Variants in SENP6 observed in about 807,000 individuals in gnomAD.
SENP6 encodes the protein SUMO specific peptidase 6.
SENP6 carries 41 observed loss-of-function variants against 134.5 expected under a neutral mutation model. The observed-to-expected ratio is 0.30, with a 90% CI of 0.24 to 0.40. SENP6 has a LOEUF of 0.40. Among genes scored for constraint, SENP6 ranks in the 10% least tolerant of loss-of-function variants. The probability of loss-of-function intolerance (pLI) is 1.00; values close to 1 mark genes in which losing one functional copy is unlikely to be tolerated. For missense variants in SENP6, 1,248 were observed against 1,312.5 expected (o/e 0.95, Z 0.76); for synonymous variants, 395 against 429.8 (o/e 0.92, Z 1.00).
chr6:75,705,619 A>T (rs1287650012), intron 19 of SENP6, among the ~76,000 whole-genome samples: 1 of 152,070 alleles, frequency 6.6e-6, no homozygotes. Context: ...TATCAAGTCA[A>T]TTGTATAATT....
intron 16 of SENP6, among the ~76,000 whole-genome samples, chr6:75,691,038 T>G (rs1340703640): frequency 6.7e-6 from 1 of 150,138 alleles, no homozygotes; most frequent in African/African-American, 2.5e-5. Flanking sequence ...AGAGGCAGGA[T>G]CTCCCTGTGT....
intron 1 of SENP6, among the ~76,000 whole-genome samples, chr6:75,619,722 T>A (rs1336268843): frequency 6.6e-6 from 1 of 152,154 alleles, no homozygotes; most frequent in African/African-American, 2.4e-5. Flanking sequence ...CTGTTTTGCG[T>A]TCCCACTAGC....
At chr6:75,626,561 C>T (rs183013189) in intron 3 of SENP6, among the ~76,000 whole-genome samples, 1 of 151,902 alleles carries the variant, frequency 6.6e-6, no homozygotes, top group African/African-American at 2.4e-5. Context: ...ATTTTTTTCC[C>T]CCAGTCTTTT....
At chr6:75,678,723 C>A in intron 15 of SENP6, 31 bp downstream of exon 15, 1 of 1,387,358 alleles carries the variant, frequency 7.2e-7, no homozygotes, top group Non-Finnish European at 1.0e-6. Flanking sequence ...TTGCAATGAT[C>A]TTAAATGTCT....
chr6:75,678,436 G>T (rs1403090456), intron 14 of SENP6, 147 bp from the exon 15 acceptor site: 6 of 556,434 alleles, frequency 1.1e-5, no homozygotes, highest in Non-Finnish European at 1.3e-5. Context: ...CCTGTTTCTT[G>T]TTTTTAATTG....
intron 7 of SENP6, among the ~76,000 whole-genome samples, chr6:75,657,780 T>G (rs1771460452): frequency 1.3e-5 from 2 of 151,916 alleles, no homozygotes; most frequent in Non-Finnish European, 1.5e-5. Context: ...GTGCCTAGAG[T>G]GGGGCAGAGG....
intron 1 of SENP6, among the ~76,000 whole-genome samples, chr6:75,618,179 AT>A (rs1198985015): frequency 6.6e-6 from 1 of 152,094 alleles, no homozygotes. Context: ...AGGAAAATTC[AT>A]TTTTATCTTT....
intron 1 of SENP6, among the ~76,000 whole-genome samples, chr6:75,604,407 G>C (rs1211027451): frequency 6.6e-6 from 1 of 152,146 alleles, no homozygotes. Flanking sequence ...CGAGGCAGGC[G>C]GATCACTTGA....
Position 75,606,272 on chromosome 6 carries a change from A to G in SENP6, c.52+3696A>G, listed in dbSNP as rs566259079. ...CTTTATTTATACAAAAGCACACTAA[A>G]ATTGTATGGATTTCATTAAGCCACA... On this transcript the variant is annotated intron_variant, in intron 1 of 23. Coordinates refer to ENST00000447266, the MANE Select transcript of SENP6 (RefSeq NM_015571.4). Among the ~76,000 whole-genome samples, 5 of 152,314 alleles carry G rather than the reference A, an allele frequency of 3.3e-5. No individual in the cohort carries two copies. In the South Asian group the frequency reaches 1.0e-3, roughly 32 times the overall value.
At chr6:75,713,610 A>T (rs761662453) in intron 22 of SENP6, 29 bp downstream of exon 22, 2 of 1,605,226 alleles carry the variant, frequency 1.2e-6, no homozygotes, top group East Asian at 2.2e-5. Context: ...TCGTATTCTG[A>T]TGGGGATGAA....
chr6:75,640,378 C>T (rs1411390673), intron 5 of SENP6, among the ~76,000 whole-genome samples: 1 of 152,134 alleles, frequency 6.6e-6, no homozygotes, highest in African/African-American at 2.4e-5. Context: ...TGGAAAGGAT[C>T]GTTAGAGAAT....
chr6:75,673,123 G>C (rs115198720), intron 11 of SENP6, among the ~76,000 whole-genome samples: 3,209 of 151,802 alleles, frequency 0.021, 115 homozygotes, highest in African/African-American at 0.073. Context: ...CACTGCACCC[G>C]GCCAATTGGC....
At chr6:75,694,171 G>T (rs191257964) in intron 16 of SENP6, among the ~76,000 whole-genome samples, 2 of 152,106 alleles carry the variant, frequency 1.3e-5, no homozygotes, top group Non-Finnish European at 2.9e-5. Flanking sequence ...CAAGAGAATC[G>T]CTTGAACCCG....
intron 16 of SENP6, among the ~76,000 whole-genome samples, chr6:75,691,776 A>G (rs2149891577): frequency 6.6e-6 from 1 of 151,438 alleles, no homozygotes; most frequent in African/African-American, 2.4e-5. Flanking sequence ...TTGTATTTTT[A>G]GTAGAGACGG....
chr6:75,606,961 T>C (rs181879144), intron 1 of SENP6, among the ~76,000 whole-genome samples: 169 of 152,142 alleles, frequency 1.1e-3, no homozygotes, highest in African/African-American at 3.9e-3. Flanking sequence ...TAGGGGAGCA[T>C]GGCATGTTTG....
chr6:75,716,669 A>G lies in SENP6; in HGVS notation c.*1075A>G, dbSNP rs547366534. ...GGTTTCCATGACAGATTTATAGCAC[A>G]TATAGGGATCTTGCATGTATCTGCA... is the stretch of plus-strand genomic sequence containing the variant. On this transcript the variant is annotated 3_prime_UTR_variant, in exon 24 of 24. Coordinates refer to ENST00000447266, the MANE Select transcript of SENP6 (RefSeq NM_015571.4). 5 of 151,996 alleles carry G rather than the reference A, an allele frequency of 3.3e-5. No individual in the cohort carries two copies. Among genetic ancestry groups the G allele is most frequent in the Non-Finnish European group, 7.4e-5 (5 of 67,852 alleles). 9.4% of individuals were successfully genotyped at this position (151,996 alleles called of 1,614,324 possible). A position where few individuals can be genotyped will look rare whatever the true frequency, so the allele number is the denominator to read the frequency against.
At chr6:75,635,042 A>G in intron 5 of SENP6, 1 of 592,074 alleles carries the variant, frequency 1.7e-6, no homozygotes, top group South Asian at 1.6e-5. Context: ...GTATTGCATT[A>G]TAATCCAGAG....
At chr6:75,624,434 A>G (rs1768510637) in intron 3 of SENP6, among the ~76,000 whole-genome samples, 1 of 152,126 alleles carries the variant, frequency 6.6e-6, no homozygotes, top group South Asian at 2.1e-4. Flanking sequence ...TGTAGAATGA[A>G]TTCCTAGAGG....
In SENP6 at chr6:75,670,701, T is replaced by G; in HGVS notation, c.1373T>G (p.Leu458Arg). Residue 458 changes from leucine (L) to arginine (R), a missense_variant, in exon 11 of 24, where the codon CTG becomes CGG. By Grantham distance (102) the Leu-to-Arg change is moderately radical. This residue lies in a region of SENP6 where 733 missense variants were observed against 725.4 expected (regional missense o/e 1.01). Transcript: ENST00000447266. Reference sequence around the variant, plus strand: ...ATACGAGTAGGAACACTCTTCCGGCTGTTAATAGAGCCTGTAATTGTAAGT... The same window carrying G: ...ATACGAGTAGGAACACTCTTCCGGCGGTTAATAGAGCCTGTAATTGTAAGT... ...RSIRVGTLFRLLIEPVIFCLD... is the reference protein window; with the variant it reads ...RSIRVGTLFRRLIEPVIFCLD... 1 of 1,608,782 alleles carries G rather than the reference T, an allele frequency of 6.2e-7. No individual in the cohort carries two copies. The highest frequency in any genetic ancestry group is 8.5e-7 in the Non-Finnish European group (1 of 1,176,894).
Sources: gnomAD v4.1 joint callset for allele counts (sites outside exome capture counted in the v4.1 genomes callset) on GRCh38, gnomAD v4.1.1 for gene constraint, gnomAD v4.1.1 regional missense constraint, MANE v1.5 for transcripts, NCBI Gene and HGNC (gene_info 2026-07-23, HGNC 2026-07-21) for gene names.